The following SAMD5 variants were observed in gnomAD, a reference collection of about 807,000 sequenced individuals.
SAMD5 encodes the protein sterile alpha motif domain-containing protein 5.
A neutral mutation model predicts 11.3 loss-of-function variants in SAMD5; 13 were observed. The ratio of observed to expected loss-of-function variants is 1.15; its 90% confidence interval spans 0.75 to 1.83. The LOEUF (loss-of-function observed/expected upper bound fraction) is 1.83, where lower values mean the gene tolerates loss of function less well. Ranked by LOEUF, SAMD5 falls within the 40% of genes most tolerant of loss-of-function variation. The probability of loss-of-function intolerance (pLI) is 0.00; values close to 1 mark genes in which losing one functional copy is unlikely to be tolerated. For synonymous variants in SAMD5, 129 were observed against 111.3 expected (o/e 1.16, Z -1.00); for missense variants, 255 against 239.1 (o/e 1.07, Z -0.44).
chr6:147,599,419 G>A (rs190510714), intron 1 of SAMD5, among the ~76,000 whole-genome samples: 9 of 152,242 alleles, frequency 5.9e-5, no homozygotes, highest in African/African-American at 2.2e-4. Context: ...ATGAATCTGT[G>A]AGCACATTTT....
intron 1 of SAMD5, among the ~76,000 whole-genome samples, chr6:147,609,904 G>A (rs975171299): frequency 6.6e-6 from 1 of 152,132 alleles, no homozygotes; most frequent in Non-Finnish European, 1.5e-5. Context: ...TCCTATGTAA[G>A]CATTTCTATT....
At chr6:147,953,868 G>A in the SAMD5 span, 1 of 152,134 alleles carries the variant, frequency 6.6e-6, no homozygotes, top group Non-Finnish European at 1.5e-5. Context: ...ACTTATAATT[G>A]TGATGAAATT....
chr6:147,675,848 T>G (rs1790855552), intron 1 of SAMD5, among the ~76,000 whole-genome samples: 1 of 152,194 alleles, frequency 6.6e-6, no homozygotes, highest in Non-Finnish European at 1.5e-5. Context: ...AGTTCAAGGG[T>G]AATGAAACTG....
Position 147,578,128 on chromosome 6 carries a change from AAG to A in SAMD5, c.162+68744_162+68745del, listed in dbSNP as rs1789244930. ...GTAGAGAGAATCAAGAAGGATAAGA[AAG>A]AGCCATGCATTTAGTTTACTGTCCA... On this transcript the variant is annotated intron_variant, in intron 1 of 1. Coordinates refer to the SAMD5 transcript ENST00000566741. Among the ~76,000 whole-genome samples the A allele has an allele frequency of 2.6e-5, 4 of 152,326 alleles. No individual in the cohort carries two copies. The South Asian group carries it at 8.3e-4, about 32-fold the overall frequency.
chr6:147,580,742 A>T (rs60047342), intron 1 of SAMD5, among the ~76,000 whole-genome samples: 22 of 152,326 alleles, frequency 1.4e-4, no homozygotes, highest in African/African-American at 5.3e-4. Context: ...TTGACAATAT[A>T]TATCTGGTGA....
intron 1 of SAMD5, among the ~76,000 whole-genome samples, chr6:147,659,257 A>AT (rs970105750): frequency 2.2e-4 from 25 of 111,252 alleles, no homozygotes; most frequent in East Asian, 9.0e-4. Flanking sequence ...TTCTCAGTAC[A>AT]TTTAAAAAAA....
intron 1 of SAMD5, among the ~76,000 whole-genome samples, chr6:147,578,879 C>T (rs1257614067): frequency 1.3e-5 from 2 of 152,068 alleles, no homozygotes; most frequent in African/African-American, 4.8e-5. Context: ...GTTTGAATTT[C>T]ATTCTGCCAC....
At chr6:147,786,337 C>G in the SAMD5 span, among the ~76,000 whole-genome samples, 1 of 151,932 alleles carries the variant, frequency 6.6e-6, no homozygotes, top group African/African-American at 2.4e-5. Context: ...CTATTTTTTT[C>G]CATTGGAAGC....
At chr6:147,933,352 G>A in the SAMD5 span, among the ~76,000 whole-genome samples, 2 of 152,194 alleles carry the variant, frequency 1.3e-5, no homozygotes, top group African/African-American at 4.8e-5. Context: ...AAAGAAGATA[G>A]GAGACAGTGG....
At chr6:147,682,269 T>C (rs6912301) in intron 1 of SAMD5, among the ~76,000 whole-genome samples, 1 of 152,132 alleles carries the variant, frequency 6.6e-6, no homozygotes, top group Non-Finnish European at 1.5e-5. Context: ...CATTGTCTAA[T>C]GTCCAATGTT....
At chr6:147,646,946 T>C (rs1790411856) in intron 1 of SAMD5, among the ~76,000 whole-genome samples, 1 of 150,286 alleles carries the variant, frequency 6.7e-6, no homozygotes, top group Non-Finnish European at 1.5e-5. Context: ...AAGACCAGCC[T>C]GGCCAACATG....
chr6:147,704,260 G>A (rs1791295812), intron 1 of SAMD5, among the ~76,000 whole-genome samples: 1 of 152,054 alleles, frequency 6.6e-6, no homozygotes, highest in Admixed American at 6.6e-5. Flanking sequence ...TCATAAGATA[G>A]GAGAAGATGT....
chr6:147,896,759 A>AAACAAACAAAC, the SAMD5 span, among the ~76,000 whole-genome samples: 3 of 150,594 alleles, frequency 2.0e-5, no homozygotes, highest in Admixed American at 6.6e-5. Context: ...AAAAAAAAAA[A>AAACAAACAAAC]AAAACGCATC....
At chr6:147,670,725 G>C (rs1014722954) in intron 1 of SAMD5, among the ~76,000 whole-genome samples, 3 of 152,214 alleles carry the variant, frequency 2.0e-5, no homozygotes, top group African/African-American at 4.8e-5. Context: ...TTAGAGCCCT[G>C]CTTTGAATTA....
intron 1 of SAMD5, among the ~76,000 whole-genome samples, chr6:147,657,374 A>G (rs755303853): frequency 1.3e-5 from 2 of 152,136 alleles, no homozygotes; most frequent in Non-Finnish European, 2.9e-5. Context: ...CTATTCTTGG[A>G]GGGTAGAGAG....
At chr6:147,538,947 A>G (rs998917686) in intron 1 of SAMD5, among the ~76,000 whole-genome samples, 1 of 152,128 alleles carries the variant, frequency 6.6e-6, no homozygotes, top group Non-Finnish European at 1.5e-5. Context: ...AACATCACCC[A>G]CACACACAAC....
At chr6:147,695,728 A>G (rs1791165641) in intron 1 of SAMD5, among the ~76,000 whole-genome samples, 1 of 152,220 alleles carries the variant, frequency 6.6e-6, no homozygotes, top group African/African-American at 2.4e-5. Context: ...ATTTAAAGCT[A>G]GTAAACTCTC....
At chr6:147,597,409 G>A (rs141944845) in intron 1 of SAMD5, among the ~76,000 whole-genome samples, 26 of 152,236 alleles carry the variant, frequency 1.7e-4, no homozygotes, top group African/African-American at 6.0e-4. Context: ...GCCCAGTTGT[G>A]GGTTTGCTGC....
intron 1 of SAMD5, among the ~76,000 whole-genome samples, chr6:147,635,245 C>T (rs1178116500): frequency 6.6e-6 from 1 of 151,488 alleles, no homozygotes; most frequent in Non-Finnish European, 1.5e-5. Context: ...CCACCACCAC[C>T]ACCATCACCA....
Sources: gnomAD v4.1 joint callset for allele counts (sites outside exome capture counted in the v4.1 genomes callset) on GRCh38, gnomAD v4.1.1 for gene constraint, MANE v1.5 for transcripts, NCBI Gene and HGNC (gene_info 2026-07-23, HGNC 2026-07-21) for gene names.